FBXO45: variants seen among roughly 807,000 people sequenced by gnomAD.
The protein encoded by FBXO45 is F-box/SPRY domain-containing protein 1.
A neutral mutation model predicts 25.5 loss-of-function variants in FBXO45; 3 were observed. The ratio of observed to expected loss-of-function variants is 0.12; its 90% CI spans 0.05 to 0.30. The LOEUF is 0.30. FBXO45 is among the 10% of genes least tolerant of loss of function. The pLI is 1.00. For missense variants in FBXO45, 219 were observed against 365.0 expected (o/e 0.60, Z 3.26); for synonymous variants, 155 against 149.8 (o/e 1.03, Z -0.25).
intron 1 of FBXO45, among the ~76,000 whole-genome samples, chr3:196,576,177 G>A (rs1416624024): frequency 1.3e-5 from 2 of 152,192 alleles, no homozygotes; most frequent in Non-Finnish European, 1.5e-5. Context: ...CGAACAGGTG[G>A]TGAGGGGACT....
At position 196,584,023 on chromosome 3, in the gene FBXO45, T is replaced by A; in HGVS notation, c.676-110T>A. ...AAGCTTCCCTTCTGATTTTTCTAGA[T>A]AGCTTTCAGGATAATATTCTTAATA... On this transcript the variant is annotated intron_variant, in intron 2 of 2. Transcript: ENST00000311630. This position sits in a 1 kb window ranked among gnomAD's most constrained non-coding sequence, Gnocchi z 4.3. 1 of 1,037,176 alleles carries A rather than the reference T, an allele frequency of 9.6e-7. No homozygotes were observed. Among genetic ancestry groups the A allele is most frequent in the Non-Finnish European group, 1.4e-6 (1 of 711,584 alleles). 64.2% of individuals were successfully genotyped at this position (1,037,176 alleles called of 1,614,324 possible).
At chr3:196,578,058 T>TTTTTTTTTTTTTTTTTA (rs1560318212) in intron 2 of FBXO45, among the ~76,000 whole-genome samples, 12 of 95,200 alleles carry the variant, frequency 1.3e-4, no homozygotes, top group Admixed American at 3.8e-4. Context: ...TTTTTTTTTT[T>TTTTTTTTTTTTTTTTTA]TAGACAGAAT....
In FBXO45 at chr3:196,580,816, G is replaced by A. The variant is rs552787002; in HGVS notation, c.675+3007G>A. ...AGATAGGGTCTCGCTCTGACACCTC[G>A]GCTGGAGTGGTGCAGTGGTGCAGTG... On this transcript the variant is annotated intron_variant, in intron 2 of 2. Coordinates refer to ENST00000311630, the MANE Select transcript of FBXO45 (RefSeq NM_001105573.2). Among the ~76,000 whole-genome samples the A allele has an allele frequency of 2.2e-4, 31 of 143,370 alleles. No individual in the cohort carries two copies. In the South Asian group the frequency reaches 6.5e-3, roughly 30 times the overall value. The allele number at this position is 143,370 out of a possible 152,430, so 94.1% of individuals were successfully genotyped here.
Position 196,569,000 on chromosome 3 carries a change from C to G in FBXO45, c.16C>G (p.Pro6Ala), listed in dbSNP as rs558273863. 10,747 of 993,784 alleles carry G rather than the reference C, an allele frequency of 0.011. 79 individuals carry two copies. Among genetic ancestry groups the G allele is most frequent in the Non-Finnish European group, 0.012 (10,176 of 836,598 alleles). The allele number at this position is 993,784 out of a possible 1,614,324, so 61.6% of individuals were successfully genotyped here. A position where few individuals can be genotyped will look rare whatever the true frequency, so the allele number is the denominator to read the frequency against. MAAPA[P>A]GAGAASGGAG... ...TGGTGAGGCGATGGCGGCGCCGGCC[C>G]CGGGGGCTGGGGCAGCCTCGGGCGG... The change falls in exon 1 of 3, where the codon CCG (proline) becomes GCG (alanine). Residue 6 changes from proline (P) to alanine (A), a missense_variant. By Grantham distance (27) the Pro-to-Ala change is conservative. Around this residue, in one of 4 missense-constraint regions of FBXO45, gnomAD observed 138 missense variants for 157.3 expected, o/e 0.88. Transcript: ENST00000311630.
In FBXO45 at chr3:196,586,353, G is replaced by C. The variant is rs1165912743; in HGVS notation, c.*2035G>C. 1 of 152,174 alleles carries C rather than the reference G, an allele frequency of 6.6e-6. No homozygotes were observed. Among genetic ancestry groups the C allele is most frequent in the East Asian group, 1.9e-4 (1 of 5,204 alleles). The allele number at this position is 152,174 out of a possible 1,614,324, so 9.4% of individuals were successfully genotyped here. A position where few individuals can be genotyped will look rare whatever the true frequency, so the allele number is the denominator to read the frequency against. On this transcript the variant is annotated 3_prime_UTR_variant, in exon 3 of 3. Coordinates refer to ENST00000311630, the MANE Select transcript of FBXO45 (RefSeq NM_001105573.2). Reference sequence around the variant, plus strand: ...CATTTGCAACAGTTTTGAAGGTGCTGAGTGGAAAACCGAAACACATGGTTA... The same window carrying C: ...CATTTGCAACAGTTTTGAAGGTGCTCAGTGGAAAACCGAAACACATGGTTA...
chr3:196,571,726 A>T (rs1735829657), intron 1 of FBXO45, among the ~76,000 whole-genome samples: 1 of 152,174 alleles, frequency 6.6e-6, no homozygotes, highest in Non-Finnish European at 1.5e-5. Flanking sequence ...AACCTGTCTT[A>T]CTTTTTCTTT....
In FBXO45 at chr3:196,569,088, C is replaced by A; in HGVS notation, c.104C>A (p.Ala35Asp). 1 of 1,462,342 alleles carries A rather than the reference C, an allele frequency of 6.8e-7. No individual in the cohort carries two copies. The highest frequency in any genetic ancestry group is 9.1e-7 in the Non-Finnish European group (1 of 1,095,730). 90.6% of individuals were successfully genotyped at this position (1,462,342 alleles called of 1,614,324 possible). ...GAGSGSGAAG[A>D]GGRLPSRVLE... Reference sequence around the variant, plus strand: ...GGCTCGGGCTCTGGGGCCGCGGGGGCCGGGGGCCGGCTGCCCAGCCGGGTG... The same window carrying A: ...GGCTCGGGCTCTGGGGCCGCGGGGGACGGGGGCCGGCTGCCCAGCCGGGTG... The change falls in exon 1 of 3, where the codon GCC (alanine) becomes GAC (aspartate). Residue 35 changes from alanine (A) to aspartate (D), a missense_variant. Transcript: ENST00000311630. The surrounding 1 kb of genome is among the most constrained non-coding windows in gnomAD (Gnocchi z 4.1).
chr3:196,584,286 T>C lies in FBXO45; in HGVS notation c.829T>C (p.Leu277=), dbSNP rs1281885614. The C allele has an allele frequency of 6.2e-7, 1 of 1,608,666 alleles. No homozygotes were observed. Among genetic ancestry groups the C allele is most frequent in the Non-Finnish European group, 8.5e-7 (1 of 1,178,724 alleles). ...TGTATATGGCAACACAGAAGTGACT[T>C]TGGTTTACCTTGGAAAACCTTTGGA... ...SAVYGNTEVT[L]VYLGKPLDG Residue 277 remains leucine, a synonymous_variant, in exon 3 of 3, where the codon TTG becomes CTG. Coordinates refer to ENST00000311630, the MANE Select transcript of FBXO45 (RefSeq NM_001105573.2). The surrounding 1 kb of genome is among the most constrained non-coding windows in gnomAD (Gnocchi z 4.3).
In FBXO45 at chr3:196,574,510, A is replaced by G. The variant is rs115451040; in HGVS notation, c.319-2943A>G. 4.2e-3 allele frequency among the ~76,000 whole-genome samples: 643 copies of G among 151,962 alleles called. 3 individuals are homozygous for G. Among genetic ancestry groups the G allele is most frequent in the African/African-American group, 0.015 (624 of 41,416 alleles). ...TACATATTCACTCACCATCTCCCCA[A>G]CCTCCCACCTTATTTGTTGAGGAAA... On this transcript the variant is annotated intron_variant, in intron 1 of 2. Coordinates refer to ENST00000311630, the MANE Select transcript of FBXO45 (RefSeq NM_001105573.2).
intron 1 of FBXO45, among the ~76,000 whole-genome samples, chr3:196,571,714 G>A (rs904907885): frequency 2.0e-5 from 3 of 152,138 alleles, no homozygotes; most frequent in African/African-American, 7.2e-5. Flanking sequence ...CTCCATGTAT[G>A]CAACCTGTCT....
intron 1 of FBXO45, among the ~76,000 whole-genome samples, chr3:196,577,115 C>A (rs1274611856): frequency 2.0e-5 from 3 of 152,298 alleles, no homozygotes; most frequent in Non-Finnish European, 4.4e-5. Context: ...CAAAGCAATT[C>A]CCAGATACCA....
intron 2 of FBXO45, among the ~76,000 whole-genome samples, chr3:196,583,858 G>A (rs9861294): frequency 0.03 from 4,598 of 152,232 alleles, 206 homozygotes; most frequent in African/African-American, 0.1. Flanking sequence ...TTTTCACCAT[G>A]TTGCCCAGGC....
chr3:196,576,226 G>A lies in FBXO45; in HGVS notation c.319-1227G>A, dbSNP rs143406165. ...CTCTTTGGGCCTCTTGCACTAACTC[G>A]CGGTTGAAATCCCTGAGAAGGACTA... On this transcript the variant is annotated intron_variant, in intron 1 of 2. Transcript: ENST00000311630. Among the ~76,000 whole-genome samples the A allele has an allele frequency of 1.4e-3, 215 of 152,272 alleles. 1 individual carries two copies. The highest frequency in any genetic ancestry group is 5.0e-3 in the African/African-American group (207 of 41,554).
chr3:196,579,965 T>C (rs1484031495), intron 2 of FBXO45, among the ~76,000 whole-genome samples: 1 of 152,162 alleles, frequency 6.6e-6, no homozygotes, highest in Non-Finnish European at 1.5e-5. Context: ...AGTTGGATCT[T>C]GATTTTTATC....
At position 196,587,691 on chromosome 3, in the gene FBXO45, C is replaced by A. The variant is rs1486231093; in HGVS notation, c.*3373C>A. Reference sequence around the variant, plus strand: ...TGTATGCCACTATACCCAGCTTTAACTTTTAAATCCCCAAACTATGTAGAT... The same window carrying A: ...TGTATGCCACTATACCCAGCTTTAAATTTTAAATCCCCAAACTATGTAGAT... On this transcript the variant is annotated 3_prime_UTR_variant, in exon 3 of 3. Coordinates refer to ENST00000311630, the MANE Select transcript of FBXO45 (RefSeq NM_001105573.2). 6.6e-6 allele frequency: 1 copy of A among 152,048 alleles called. No homozygotes were observed. Among genetic ancestry groups the A allele is most frequent in the Non-Finnish European group, 1.5e-5 (1 of 68,014 alleles). The allele number at this position is 152,048 out of a possible 1,614,324, so 9.4% of individuals were successfully genotyped here.
At chr3:196,571,678 C>T (rs1735828559) in intron 1 of FBXO45, among the ~76,000 whole-genome samples, 3 of 152,202 alleles carry the variant, frequency 2.0e-5, no homozygotes, top group African/African-American at 7.2e-5. Context: ...TTCCTTTCAT[C>T]CTTGTCGCTC....
In FBXO45 at chr3:196,585,925, AG is replaced by A. The variant is rs1303902107; in HGVS notation, c.*1610del. ...AGATTGTCAATACTCCTGTGAAGCAAGGGATTTCAGCCATAGAACAAAGATT... is the reference window on the plus strand; with the variant it reads ...AGATTGTCAATACTCCTGTGAAGCAAGGATTTCAGCCATAGAACAAAGATT... On this transcript the variant is annotated 3_prime_UTR_variant, in exon 3 of 3. Transcript: ENST00000311630. 1 of 152,246 alleles carries A rather than the reference AG, an allele frequency of 6.6e-6. No individual in the cohort carries two copies. Among genetic ancestry groups the A allele is most frequent in the Non-Finnish European group, 1.5e-5 (1 of 68,040 alleles). 9.4% of individuals were successfully genotyped at this position (152,246 alleles called of 1,614,324 possible).
At chr3:196,580,772 C>A (rs1289709317) in intron 2 of FBXO45, among the ~76,000 whole-genome samples, 1 of 151,688 alleles carries the variant, frequency 6.6e-6, no homozygotes, top group African/African-American at 2.4e-5. Flanking sequence ...TAGATAATTT[C>A]TTTTCCTTTT....
At chr3:196,578,619 G>C (rs1284555505) in intron 2 of FBXO45, among the ~76,000 whole-genome samples, 1 of 151,976 alleles carries the variant, frequency 6.6e-6, no homozygotes, top group African/African-American at 2.4e-5. Flanking sequence ...GAACATGGCT[G>C]TATTCCATAG....
Sources: gnomAD v4.1 joint callset for allele counts (sites outside exome capture counted in the v4.1 genomes callset) on GRCh38, gnomAD v4.1.1 for gene constraint, gnomAD v4.1.1 regional missense constraint, Gnocchi (gnomAD v3.1) non-coding constraint, MANE v1.5 for transcripts, NCBI Gene and HGNC (gene_info 2026-07-23, HGNC 2026-07-21) for gene names.